Variants in NR4A2 observed in about 807,000 individuals in gnomAD.
NR4A2 encodes NGFI-B/nur77 beta-type transcription factor homolog.
NR4A2 carries 1 observed loss-of-function variant against 50.5 expected under a neutral mutation model. That is an observed-to-expected ratio of 0.02 (90% CI 0.01 to 0.09). NR4A2 has a LOEUF of 0.09. Ranked by LOEUF, NR4A2 falls within the 10% of genes least tolerant of loss-of-function variation. The probability of loss-of-function intolerance (pLI) is 1.00; values close to 1 mark genes in which losing one functional copy is unlikely to be tolerated. For missense variants in NR4A2, 613 were observed against 777.3 expected, an observed-to-expected ratio of 0.79 and a Z score of 2.51; for synonymous variants, 328 against 309.4, an observed-to-expected ratio of 1.06 and a Z score of -0.63.
In NR4A2 at chr2:156,328,330, A is replaced by G; in HGVS notation, c.994+74T>C. On this transcript the variant is annotated intron_variant, in intron 4 of 7. Coordinates refer to ENST00000339562, the MANE Select transcript of NR4A2 (RefSeq NM_006186.4). This position sits in a 1 kb window ranked among gnomAD's most constrained non-coding sequence, Gnocchi z 4.9. Reference sequence around the variant, plus strand: ...GGAGATCCCCAGCACCGGGAAGTGGAACGTGATGCTGGAGTATGAGCAGTG... The same window carrying G: ...GGAGATCCCCAGCACCGGGAAGTGGGACGTGATGCTGGAGTATGAGCAGTG... 1 of 1,607,498 alleles carries G rather than the reference A, an allele frequency of 6.2e-7. No homozygotes were observed. The highest frequency in any genetic ancestry group is 1.7e-5 in the Admixed American group (1 of 60,006).
Position 156,328,104 on chromosome 2 carries a change from G to A in NR4A2, c.995-90C>T, listed in dbSNP as rs946892225. On this transcript the variant is annotated intron_variant, in intron 4 of 7. Transcript: ENST00000339562. This position sits in a 1 kb window ranked among gnomAD's most constrained non-coding sequence, Gnocchi z 4.9. ...CTCCCCGGGGAAGGCCGCAGCCGCG[G>A]GGCACCAGGCTGAGCGGCTGAGGGC... is the stretch of plus-strand genomic sequence containing the variant. The A allele has an allele frequency of 1.3e-5, 20 of 1,528,656 alleles. No homozygotes were observed. The South Asian group carries it at 2.0e-4, about 16-fold the overall frequency. 94.7% of individuals were successfully genotyped at this position (1,528,656 alleles called of 1,614,324 possible). A position where few individuals can be genotyped will look rare whatever the true frequency, so the allele number is the denominator to read the frequency against.
chr2:156,325,976 T>C lies in NR4A2; in HGVS notation c.1565A>G (p.Lys522Arg). The C allele has an allele frequency of 1.2e-6, 2 of 1,614,206 alleles. No homozygotes were observed. Among genetic ancestry groups the C allele is most frequent in the East Asian group, 2.2e-5 (1 of 44,888 alleles). The part of the protein sequence containing the change: ...VTERHGLKEP[K>R]RVEELQNKIV... Reference sequence around the variant, plus strand: ...CTTGTTTTGCAGTTCTTCCACTCTCTTGGGTTCCTTGAGCCCGTGTCTCTC... The same window carrying C: ...CTTGTTTTGCAGTTCTTCCACTCTCCTGGGTTCCTTGAGCCCGTGTCTCTC... The change falls in exon 8 of 8, where the codon AAG becomes AGG. Residue 522 changes from lysine to arginine, a missense_variant. Lys to Arg is a conservative substitution (Grantham distance 26). This residue lies in a region of NR4A2 where 250 missense variants were observed against 311.3 expected (regional missense o/e 0.80). Coordinates refer to ENST00000339562, the MANE Select transcript of NR4A2 (RefSeq NM_006186.4).
rs1686560429 is a variant in NR4A2 at position 156,324,623 on chromosome 2, A to C, written c.*1121T>G. On this transcript the variant is annotated 3_prime_UTR_variant, in exon 8 of 8. Transcript: ENST00000339562. ...AGAATATGGCAATATTAAAATTCTT[A>C]CTCAAACAAAATAATAAATTAACTG... The C allele has an allele frequency of 6.6e-6, 1 of 152,654 alleles. No individual in the cohort carries two copies. Among genetic ancestry groups the C allele is most frequent in the African/African-American group, 2.4e-5 (1 of 41,470 alleles). The allele number at this position is 152,654 out of a possible 1,614,324, so 9.5% of individuals were successfully genotyped here.
Position 156,328,146 on chromosome 2 carries a change from C to A in NR4A2, c.995-132G>T. On this transcript the variant is annotated intron_variant, in intron 4 of 7. Transcript: ENST00000339562. This position sits in a 1 kb window ranked among gnomAD's most constrained non-coding sequence, Gnocchi z 4.9. ...GCTGAGGGCCCCAGTGCTTGTAAAG[C>A]CTTCACTGACTAGAAGCATTAAAAA... The A allele has an allele frequency of 1.6e-6, 2 of 1,225,750 alleles. No individual in the cohort carries two copies. Among genetic ancestry groups the A allele is most frequent in the Non-Finnish European group, 2.3e-6 (2 of 860,744 alleles). 75.9% of individuals were successfully genotyped at this position (1,225,750 alleles called of 1,614,324 possible).
rs1361439186 is a variant in NR4A2, at chr2:156,326,760, T to G, written c.1319A>C (p.Glu440Ala). ...GACAAACAGTTCTAAGAAAGCTGAT[T>G]CAAAAAGCAGGTCTTGGTCGGCTTT... is the stretch of plus-strand genomic sequence containing the variant. The part of the protein sequence containing the change: ...LPKADQDLLF[E>A]SAFLELFVLR... The change falls in exon 6 of 8, where the codon GAA becomes GCA. Residue 440 changes from glutamate (E) to alanine (A), a missense_variant. Glu to Ala is a moderately radical substitution (Grantham distance 107, BLOSUM62 -1). This residue lies in a region of NR4A2 where 250 missense variants were observed against 311.3 expected (regional missense o/e 0.80). Transcript: ENST00000339562. This position sits in a 1 kb window ranked among gnomAD's most constrained non-coding sequence, Gnocchi z 4.2. The G allele has an allele frequency of 1.2e-6, 2 of 1,614,200 alleles. No homozygotes were observed. Among genetic ancestry groups the G allele is most frequent in the African/African-American group, 1.3e-5 (1 of 75,066 alleles).
Position 156,324,889 on chromosome 2 carries a change from G to A in NR4A2, c.*855C>T, listed in dbSNP as rs1162035359. 2.0e-5 allele frequency: 3 copies of A among 152,618 alleles called. No individual in the cohort carries two copies. Among genetic ancestry groups the A allele is most frequent in the African/African-American group, 7.2e-5 (3 of 41,454 alleles). 9.5% of individuals were successfully genotyped at this position (152,618 alleles called of 1,614,324 possible). ...TGTGTCCCTTTTGTCAGGATTTTCT[G>A]ATGTGTAATACTTGTGCCCACCTAT... On this transcript the variant is annotated 3_prime_UTR_variant, in exon 8 of 8. Coordinates refer to ENST00000339562, the MANE Select transcript of NR4A2 (RefSeq NM_006186.4).
In NR4A2 at chr2:156,332,675, C is replaced by G; in HGVS notation, c.-322G>C. ...GACCGCGGAGCCGTGCGCGAGCCGC[C>G]GGGCGGACTGGCCCTGGCCGCCAAT... On this transcript the variant is annotated 5_prime_UTR_variant, in exon 1 of 8. Coordinates refer to ENST00000339562, the MANE Select transcript of NR4A2 (RefSeq NM_006186.4). 2.5e-6 allele frequency: 1 copy of G among 397,732 alleles called. No individual in the cohort carries two copies. Among genetic ancestry groups the G allele is most frequent in the Non-Finnish European group, 4.9e-6 (1 of 205,554 alleles). The allele number at this position is 397,732 out of a possible 1,614,324, so 24.6% of individuals were successfully genotyped here.
Position 156,329,621 on chromosome 2 carries a change from C to G in NR4A2, c.566G>C (p.Ser189Thr). The G allele has an allele frequency of 6.2e-7, 1 of 1,612,652 alleles. No individual in the cohort carries two copies. Among genetic ancestry groups the G allele is most frequent in the Non-Finnish European group, 8.5e-7 (1 of 1,179,346 alleles). Residue 189 changes from serine to threonine, a missense_variant, in exon 3 of 8, where the codon AGT becomes ACT. Ser to Thr is a moderately conservative substitution (Grantham distance 58). Coordinates refer to ENST00000339562, the MANE Select transcript of NR4A2 (RefSeq NM_006186.4). The surrounding 1 kb of genome is among the most constrained non-coding windows in gnomAD (Gnocchi z 7.5). ...GGGCCCGTCGAAGCGCATCTGGCAA[C>G]TAGACACCGGGGTGCCAGGGGGCGA... ...KQSPPGTPVS[S>T]CQMRFDGPLH...
In NR4A2 at chr2:156,326,325, G is replaced by A; in HGVS notation, c.1365C>T (p.Ser455=). The A allele has an allele frequency of 6.2e-7, 1 of 1,613,842 alleles. No individual in the cohort carries two copies. Among genetic ancestry groups the A allele is most frequent in the Non-Finnish European group, 8.5e-7 (1 of 1,179,720 alleles). The stretch of plus-strand genomic sequence containing the variant: ...AGATGAGTTTACCCTCCACTGGGTT[G>A]GACCTGCAATTAATACCAAAGAGAG... ...ELFVLRLAYR[S]NPVEGKLIFC... The change falls in exon 7 of 8, where the codon TCC becomes TCT. Residue 455 remains serine (S), a synonymous_variant. Coordinates refer to ENST00000339562, the MANE Select transcript of NR4A2 (RefSeq NM_006186.4). This position sits in a 1 kb window ranked among gnomAD's most constrained non-coding sequence, Gnocchi z 4.2.
intron 2 of NR4A2, among the ~76,000 whole-genome samples, 164 bp from the exon 3 acceptor site, chr2:156,330,352 T>C (rs970180162): frequency 4.6e-5 from 7 of 152,044 alleles, no homozygotes; most frequent in African/African-American, 1.2e-4. Context: ...AACAACAGTT[T>C]AGGGCGTGGA....
Position 156,329,494 on chromosome 2 carries a change from G to C in NR4A2, c.693C>G (p.Gly231=). ...CGTGGCCGATCTGCAGGCCCGGGAAGCCCATGGACGCGGGCTTGCGAATGG... is the reference window on the plus strand; with the variant it reads ...CGTGGCCGATCTGCAGGCCCGGGAACCCCATGGACGCGGGCTTGCGAATGG... ...PNPIRKPASM[G]FPGLQIGHAS... Residue 231 remains glycine, a synonymous_variant, in exon 3 of 8, where the codon GGC becomes GGG. Coordinates refer to ENST00000339562, the MANE Select transcript of NR4A2 (RefSeq NM_006186.4). The surrounding 1 kb of genome is among the most constrained non-coding windows in gnomAD (Gnocchi z 7.5). 1 of 1,605,320 alleles carries C rather than the reference G, an allele frequency of 6.2e-7. No individual in the cohort carries two copies. Among genetic ancestry groups the C allele is most frequent in the Non-Finnish European group, 8.5e-7 (1 of 1,176,590 alleles).
rs1686987993 is a variant in NR4A2, at chr2:156,332,666, G to A, written c.-313C>T. ...GGCAAAAGGGACCGCGGAGCCGTGC[G>A]CGAGCCGCCGGGCGGACTGGCCCTG... On this transcript the variant is annotated 5_prime_UTR_variant, in exon 1 of 8. Coordinates refer to ENST00000339562, the MANE Select transcript of NR4A2 (RefSeq NM_006186.4). 4 of 411,192 alleles carry A rather than the reference G, an allele frequency of 9.7e-6. No homozygotes were observed. The highest frequency in any genetic ancestry group is 7.1e-5 in the South Asian group (4 of 56,330). 25.5% of individuals were successfully genotyped at this position (411,192 alleles called of 1,614,324 possible).
In NR4A2 at chr2:156,329,994, C is replaced by T. The variant is rs1686852289; in HGVS notation, c.193G>A (p.Asp65Asn). ...TSLPSFSTFM[D>N]NYSTGYDVKP... ...ACGTCGTAGCCTGTGCTGTAGTTGT[C>T]CATAAAGGTACTGAAGCTGGGGAGA... The change falls in exon 3 of 8, where the codon GAC (aspartate) becomes AAC (asparagine). Residue 65 changes from aspartate (D) to asparagine (N), a missense_variant. Transcript: ENST00000339562. This position sits in a 1 kb window ranked among gnomAD's most constrained non-coding sequence, Gnocchi z 7.5. The T allele has an allele frequency of 6.2e-7, 1 of 1,614,018 alleles. No individual in the cohort carries two copies. The highest frequency in any genetic ancestry group is 2.2e-5 in the East Asian group (1 of 44,892).
intron 1 of NR4A2, among the ~76,000 whole-genome samples, chr2:156,331,362 G>A (rs547699878): frequency 1.3e-5 from 2 of 152,334 alleles, no homozygotes; most frequent in Admixed American, 1.3e-4. Flanking sequence ...ACAGAGCACT[G>A]GGATTGGAGC....
In NR4A2 at chr2:156,332,594, G is replaced by A; in HGVS notation, c.-241C>T. On this transcript the variant is annotated 5_prime_UTR_variant, in exon 1 of 8. Coordinates refer to ENST00000339562, the MANE Select transcript of NR4A2 (RefSeq NM_006186.4). ...TGGGAGAGCTGGGCGAAGGGAACCCGGACACCTCACGGAGGGAGGGAGCAG... is the reference window on the plus strand; with the variant it reads ...TGGGAGAGCTGGGCGAAGGGAACCCAGACACCTCACGGAGGGAGGGAGCAG... 2.3e-6 allele frequency: 2 copies of A among 883,220 alleles called. No homozygotes were observed. Among genetic ancestry groups the A allele is most frequent in the East Asian group, 6.2e-5 (1 of 16,154 alleles). 54.7% of individuals were successfully genotyped at this position (883,220 alleles called of 1,614,324 possible). A position where few individuals can be genotyped will look rare whatever the true frequency, so the allele number is the denominator to read the frequency against.
Position 156,332,489 on chromosome 2 carries a change from C to G in NR4A2, c.-136G>C. 1 of 1,289,216 alleles carries G rather than the reference C, an allele frequency of 7.8e-7. No homozygotes were observed. Among genetic ancestry groups the G allele is most frequent in the Non-Finnish European group, 1.0e-6 (1 of 988,668 alleles). The allele number at this position is 1,289,216 out of a possible 1,614,324, so 79.9% of individuals were successfully genotyped here. ...GGCTGCATCTACTCACTTAGGAGTT[C>G]TCCGCGTCTGTCTTCATTCATTCAA... On this transcript the variant is annotated 5_prime_UTR_variant, in exon 1 of 8. Coordinates refer to ENST00000339562, the MANE Select transcript of NR4A2 (RefSeq NM_006186.4).
chr2:156,328,649 C>CA lies in NR4A2; in HGVS notation c.865-117dup, dbSNP rs558480553. On this transcript the variant is annotated intron_variant, in intron 3 of 7. Coordinates refer to ENST00000339562, the MANE Select transcript of NR4A2 (RefSeq NM_006186.4). This position sits in a 1 kb window ranked among gnomAD's most constrained non-coding sequence, Gnocchi z 4.9. ...TACGATTCCTCCCCACAAACAAACA[C>CA]ATACACACAATTCCATTTTATTTTT... is the stretch of plus-strand genomic sequence containing the variant. 1.5e-5 allele frequency: 18 copies of CA among 1,208,812 alleles called. 1 individual carries two copies. In the African/African-American group the frequency reaches 2.1e-4, roughly 14 times the overall value. The allele number at this position is 1,208,812 out of a possible 1,614,324, so 74.9% of individuals were successfully genotyped here. A position where few individuals can be genotyped will look rare whatever the true frequency, so the allele number is the denominator to read the frequency against.
rs182148225 is a variant in NR4A2, at chr2:156,329,698, G to T, written c.489C>A (p.Ile163=). The T allele has an allele frequency of 3.3e-4, 527 of 1,614,052 alleles. 2 individuals are homozygous for T. In the Admixed American group the frequency reaches 8.5e-3, roughly 26 times the overall value. ...HQNYVATTHM[I]EQRKTPVSRL... ...GGGAGACTGGCGTTTTCCTCTGCTC[G>T]ATCATGTGCGTAGTGGCCACGTAGT... The change falls in exon 3 of 8, where the codon ATC becomes ATA. Residue 163 remains isoleucine (I), a synonymous_variant. Transcript: ENST00000339562. This position sits in a 1 kb window ranked among gnomAD's most constrained non-coding sequence, Gnocchi z 7.5.
rs199720870 is a variant in NR4A2 at position 156,326,680 on chromosome 2, A to G, written c.1361+38T>C. On this transcript the variant is annotated intron_variant, in intron 6 of 7. Coordinates refer to ENST00000339562, the MANE Select transcript of NR4A2 (RefSeq NM_006186.4). The surrounding 1 kb of genome is among the most constrained non-coding windows in gnomAD (Gnocchi z 4.2). ...TTCTTTTCCTTTCTTGATTTCTCTC[A>G]CAGCCTCCCTGGATTGTCTCCCTCC... 2 of 1,568,700 alleles carry G rather than the reference A, an allele frequency of 1.3e-6. No homozygotes were observed. Among genetic ancestry groups the G allele is most frequent in the East Asian group, 2.2e-5 (1 of 44,504 alleles).
Sources: gnomAD v4.1 joint callset for allele counts (sites outside exome capture counted in the v4.1 genomes callset) on GRCh38, gnomAD v4.1.1 for gene constraint, gnomAD v4.1.1 regional missense constraint, Gnocchi (gnomAD v3.1) non-coding constraint, MANE v1.5 for transcripts, NCBI Gene and HGNC (gene_info 2026-07-23, HGNC 2026-07-21) for gene names.